Variants in KCNN2 observed in about 807,000 individuals in gnomAD.
KCNN2 encodes the protein potassium calcium-activated channel subfamily N member 2.
Under a neutral mutation model 55.5 loss-of-function variants are expected in KCNN2, and 24 were observed. The observed-to-expected ratio is 0.43, with a 90% CI of 0.31 to 0.61. The LOEUF is 0.61. Ranked by LOEUF, KCNN2 falls within the 20% of genes least tolerant of loss-of-function variation. The probability of loss-of-function intolerance (pLI) is 0.08; values close to 1 mark genes in which losing one functional copy is unlikely to be tolerated. For synonymous variants in KCNN2, 431 were observed against 336.1 expected (o/e 1.28, Z -3.09); for missense variants, 754 against 853.6 (o/e 0.88, Z 1.45).
chr5:114,217,152 A>G (rs114579580), intron 1 of KCNN2, among the ~76,000 whole-genome samples: 363 of 152,248 alleles, frequency 2.4e-3, no homozygotes, highest in Middle Eastern at 6.8e-3. Context: ...TGAATGGGAA[A>G]ACTCAATATC....
chr5:114,240,189 A>C (rs1056097346), intron 2 of KCNN2, among the ~76,000 whole-genome samples: 3 of 152,026 alleles, frequency 2.0e-5, no homozygotes, highest in Non-Finnish European at 4.4e-5. Context: ...TACTCAGTTT[A>C]CATGGTTTAA....
At chr5:114,351,097 A>G (rs952668593) in intron 2 of KCNN2, among the ~76,000 whole-genome samples, 1 of 151,726 alleles carries the variant, frequency 6.6e-6, no homozygotes, top group Non-Finnish European at 1.5e-5. Flanking sequence ...CATAGATTGT[A>G]TCTTCATTAA....
chr5:114,284,929 A>T (rs1755705162), intron 2 of KCNN2, among the ~76,000 whole-genome samples: 1 of 152,130 alleles, frequency 6.6e-6, no homozygotes, highest in African/African-American at 2.4e-5. Flanking sequence ...TGTGAAAAAA[A>T]TAAATTTCTG....
chr5:114,272,384 T>TATA (rs1554078503), intron 2 of KCNN2, among the ~76,000 whole-genome samples: 1 of 22,848 alleles, frequency 4.4e-5, no homozygotes, highest in African/African-American at 7.9e-5. Flanking sequence ...TGTATGTACA[T>TATA]ATATACACAC....
At chr5:114,207,389 C>T (rs1349788760) in intron 1 of KCNN2, among the ~76,000 whole-genome samples, 3 of 152,154 alleles carry the variant, frequency 2.0e-5, no homozygotes, top group Admixed American at 6.5e-5. Context: ...AATGGTATAT[C>T]GCTGAGCAAA....
intron 1 of KCNN2, among the ~76,000 whole-genome samples, chr5:114,094,056 C>G (rs1751205091): frequency 1.3e-5 from 2 of 152,142 alleles, no homozygotes; most frequent in African/African-American, 4.8e-5. Flanking sequence ...TAACATGCTA[C>G]TTAAGAATAA....
rs1355863287 is a variant in KCNN2, at chr5:114,379,642, ATATAT to A, written c.1218+15647_1218+15651del. On this transcript the variant is annotated intron_variant, in intron 2 of 7. Coordinates refer to ENST00000673685, the MANE Select transcript of KCNN2 (RefSeq NM_021614.4). The stretch of plus-strand genomic sequence containing the variant: ...ATATAACATATTATATATTTGTAGA[ATATAT>A]TATATAACATATATATTTATAGAAT... Among the ~76,000 whole-genome samples, 5 of 88,384 alleles carry A rather than the reference ATATAT, an allele frequency of 5.7e-5. No homozygotes were observed. In the East Asian group the frequency reaches 8.6e-4, roughly 15 times the overall value. The allele number at this position is 88,384 out of a possible 152,430, so 58.0% of individuals were successfully genotyped here.
chr5:114,273,003 T>A (rs1050735038), intron 2 of KCNN2, among the ~76,000 whole-genome samples: 5 of 152,090 alleles, frequency 3.3e-5, no homozygotes, highest in African/African-American at 1.2e-4. Flanking sequence ...CATTAGGCAT[T>A]TCTCCTCATG....
chr5:114,416,103 T>G (rs1759295909), intron 3 of KCNN2, among the ~76,000 whole-genome samples: 1 of 152,220 alleles, frequency 6.6e-6, no homozygotes. Flanking sequence ...AAAAAAAGAC[T>G]GTTTTTCAAT....
chr5:114,325,840 G>T (rs1756704401), intron 2 of KCNN2, among the ~76,000 whole-genome samples: 1 of 152,172 alleles, frequency 6.6e-6, no homozygotes, highest in Admixed American at 6.5e-5. Flanking sequence ...TCAAGGGAGG[G>T]GGAATAGAGT....
intron 2 of KCNN2, among the ~76,000 whole-genome samples, chr5:114,275,442 C>T (rs527388277): frequency 4.6e-5 from 7 of 152,022 alleles, no homozygotes; most frequent in African/African-American, 9.7e-5. Context: ...TGGTAGAATT[C>T]GGCTGTGAAT....
chr5:114,083,611 C>G lies in KCNN2; in HGVS notation c.-271+27111C>G, dbSNP rs1580496030. Reference sequence around the variant, plus strand: ...GAGTTCCCATGTACCTCGTCTCTCTCTTATTTATGGATTTCTCTGTTATTA... The same window carrying G: ...GAGTTCCCATGTACCTCGTCTCTCTGTTATTTATGGATTTCTCTGTTATTA... On this transcript the variant is annotated intron_variant, in intron 1 of 10. Transcript: ENST00000512097. Among the ~76,000 whole-genome samples the G allele has an allele frequency of 2.6e-5, 4 of 152,160 alleles. 1 individual carries two copies. The South Asian group carries it at 8.3e-4, about 32-fold the overall frequency.
At chr5:114,411,507 G>A (rs1759133229) in intron 3 of KCNN2, among the ~76,000 whole-genome samples, 1 of 152,100 alleles carries the variant, frequency 6.6e-6, no homozygotes, top group South Asian at 2.1e-4. Context: ...GGAAGCCAGT[G>A]GTGCAACTCT....
rs1755937948 is a variant in KCNN2 at position 114,293,357 on chromosome 5, A to G, written c.-184-67588A>G. 3.3e-5 allele frequency among the ~76,000 whole-genome samples: 5 copies of G among 152,084 alleles called. No individual in the cohort carries two copies. The South Asian group carries it at 1.0e-3, about 32-fold the overall frequency. On this transcript the variant is annotated intron_variant, in intron 2 of 10. Transcript: ENST00000512097. The stretch of plus-strand genomic sequence containing the variant: ...CATAGATAGCTCTTATTATTTTGAG[A>G]TACGTCCCATCAGTACCTAATTTAT...
chr5:114,342,271 G>T (rs1471347550), intron 2 of KCNN2, among the ~76,000 whole-genome samples: 1 of 151,930 alleles, frequency 6.6e-6, no homozygotes. Context: ...TACTCAAATA[G>T]CATATTAAAA....
chr5:114,218,923 A>G (rs544953998), intron 1 of KCNN2, among the ~76,000 whole-genome samples: 1 of 152,164 alleles, frequency 6.6e-6, no homozygotes, highest in Non-Finnish European at 1.5e-5. Flanking sequence ...CACTCAGCCT[A>G]CCACTCTCAA....
Position 114,107,873 on chromosome 5 carries a change from A to G in KCNN2, c.-271+51373A>G, listed in dbSNP as rs189218069. ...CCATAATATAAACCTTCACTTGTAT[A>G]TATTTTTAATTTCTCTTGGTGACGT... On this transcript the variant is annotated intron_variant, in intron 1 of 10. Transcript: ENST00000512097. Among the ~76,000 whole-genome samples the G allele has an allele frequency of 9.5e-3, 1,443 of 152,158 alleles. 9 individuals are homozygous for G. Among genetic ancestry groups the G allele is most frequent in the Non-Finnish European group, 0.015 (1,032 of 67,980 alleles).
Position 114,303,770 on chromosome 5 carries a change from G to A in KCNN2, c.-184-57175G>A, listed in dbSNP as rs535377814. On this transcript the variant is annotated intron_variant, in intron 2 of 10. Transcript: ENST00000512097. ...GAATGGCAAGACAATAGAAATTAGG[G>A]ATTGATAGGTGGTAGGGCACTAGAA... Among the ~76,000 whole-genome samples, 805 of 152,218 alleles carry A rather than the reference G, an allele frequency of 5.3e-3. 6 individuals are homozygous for A. Among genetic ancestry groups the A allele is most frequent in the African/African-American group, 0.019 (773 of 41,534 alleles).
chr5:114,477,292 G>A (rs772928215), intron 5 of KCNN2, among the ~76,000 whole-genome samples: 9 of 152,156 alleles, frequency 5.9e-5, no homozygotes, highest in African/African-American at 9.7e-5. Flanking sequence ...CTTCCAGTTT[G>A]TATCTTTAGT....
Sources: allele counts gnomAD v4.1 joint callset (sites outside exome capture counted in the v4.1 genomes callset), GRCh38; gene constraint gnomAD v4.1.1; transcripts MANE v1.5; gene names NCBI Gene and HGNC (gene_info 2026-07-23, HGNC 2026-07-21).